Variants in CD2AP observed in about 807,000 individuals in gnomAD.
CD2AP encodes the protein CD2 associated protein.
A neutral mutation model predicts 85.1 loss-of-function variants in CD2AP; 46 were observed. The ratio of observed to expected loss-of-function variants is 0.54; its 90% CI spans 0.43 to 0.69. The LOEUF (loss-of-function observed/expected upper bound fraction) is 0.69, where lower values mean the gene tolerates loss of function less well. CD2AP is among the 30% of genes least tolerant of loss of function. The pLI is 0.00. For synonymous variants in CD2AP, 255 were observed against 252.9 expected (o/e 1.01, Z -0.08); for missense variants, 769 against 729.5 (o/e 1.05, Z -0.62).
At chr6:47,517,456 G>GT (rs1314641356) in intron 2 of CD2AP, among the ~76,000 whole-genome samples, 1 of 151,830 alleles carries the variant, frequency 6.6e-6, no homozygotes, top group Non-Finnish European at 1.5e-5. Flanking sequence ...CCTGGCTAAT[G>GT]TTTTTTCTAT....
chr6:47,487,638 T>C (rs1192226657), intron 1 of CD2AP, among the ~76,000 whole-genome samples: 4 of 152,084 alleles, frequency 2.6e-5, no homozygotes, highest in African/African-American at 4.8e-5. Flanking sequence ...TGCAGTGAGC[T>C]GAGATCGCGC....
chr6:47,583,289 G>A (rs1768531227), intron 11 of CD2AP, among the ~76,000 whole-genome samples: 1 of 152,098 alleles, frequency 6.6e-6, no homozygotes, highest in Admixed American at 6.5e-5. Context: ...AAAGTCCATA[G>A]TTTCCTTTAG....
intron 5 of CD2AP, among the ~76,000 whole-genome samples, chr6:47,566,323 T>TATATATATATACACACAC: frequency 4.3e-4 from 47 of 108,436 alleles, no homozygotes; most frequent in East Asian, 7.1e-4. Flanking sequence ...TATATATATA[T>TATATATATATACACACAC]ACACATACAC....
intron 5 of CD2AP, among the ~76,000 whole-genome samples, chr6:47,572,237 G>A (rs886594777): frequency 4.1e-4 from 62 of 152,302 alleles, no homozygotes; most frequent in African/African-American, 1.4e-3. Context: ...CAAGAAGCAG[G>A]GGCCGGGCGC....
chr6:47,610,973 T>TATATATATATATATATATATA lies in CD2AP; in HGVS notation c.1815-1500_1815-1499insATATATATATATATATATATA, dbSNP rs1454709863. 4.7e-4 allele frequency among the ~76,000 whole-genome samples: 14 copies of TATATATATATATATATATATA among 30,024 alleles called. No homozygotes were observed. In the East Asian group the frequency reaches 8.2e-3, roughly 17 times the overall value. The allele number at this position is 30,024 out of a possible 152,430, so 19.7% of individuals were successfully genotyped here. A position where few individuals can be genotyped will look rare whatever the true frequency, so the allele number is the denominator to read the frequency against. On this transcript the variant is annotated intron_variant, in intron 16 of 17. Coordinates refer to ENST00000359314, the MANE Select transcript of CD2AP (RefSeq NM_012120.3). ...TTTATATATATATATATATATGTAT[T>TATATATATATATATATATATA]TTTTTTTTTTTTTGAATATAAAACA...
At chr6:47,513,375 A>G (rs1766368605) in intron 2 of CD2AP, among the ~76,000 whole-genome samples, 2 of 152,096 alleles carry the variant, frequency 1.3e-5, no homozygotes, top group South Asian at 4.1e-4. Flanking sequence ...GTTATTGCCT[A>G]TCTATGTAGG....
chr6:47,597,529 T>C (rs527397078), intron 12 of CD2AP, among the ~76,000 whole-genome samples: 6 of 150,918 alleles, frequency 4.0e-5, no homozygotes, highest in African/African-American at 1.5e-4. Context: ...GAGCAGGAGA[T>C]TGAACATCTT....
chr6:47,620,121 A>T (rs1326821203), intron 17 of CD2AP, among the ~76,000 whole-genome samples: 1 of 152,144 alleles, frequency 6.6e-6, no homozygotes. Context: ...GTTTTTGTTC[A>T]TGAAATCCTT....
intron 9 of CD2AP, 105 bp downstream of exon 9, chr6:47,579,594 G>A (rs954019314): frequency 1.4e-6 from 1 of 734,636 alleles, no homozygotes; most frequent in African/African-American, 1.8e-5. Context: ...TTTTATGAAG[G>A]AGTTTCAGAT....
At chr6:47,581,243 T>C (rs944785683) in intron 10 of CD2AP, among the ~76,000 whole-genome samples, 2 of 152,196 alleles carry the variant, frequency 1.3e-5, no homozygotes, top group South Asian at 4.1e-4. Flanking sequence ...ATGTCTCAAA[T>C]AATAATTTAT....
At chr6:47,544,505 A>G (rs778741477) in intron 3 of CD2AP, 101 bp from the exon 4 acceptor site, 17 of 794,116 alleles carry the variant, frequency 2.1e-5, no homozygotes, top group African/African-American at 6.9e-5. Context: ...TTCTGTTTTT[A>G]TTTATTTATA....
rs2114131367 is a variant in CD2AP, at chr6:47,596,006, T to C, written c.1254T>C (p.Pro418=). The C allele has an allele frequency of 1.2e-6, 2 of 1,612,312 alleles. No individual in the cohort carries two copies. The highest frequency in any genetic ancestry group is 1.7e-6 in the Non-Finnish European group (2 of 1,178,590). ...VYPKRPEKPV[P]PPPPIAKING... Reference sequence around the variant, plus strand: ...CAAAGCGACCTGAAAAACCAGTTCCTCCACCACCTCCTATAGCCAAGTAAG... The same window carrying C: ...CAAAGCGACCTGAAAAACCAGTTCCCCCACCACCTCCTATAGCCAAGTAAG... The change falls in exon 12 of 18, where the codon CCT becomes CCC. Residue 418 remains proline, a synonymous_variant. Coordinates refer to ENST00000359314, the MANE Select transcript of CD2AP (RefSeq NM_012120.3).
chr6:47,557,884 G>A (rs1243282241), intron 5 of CD2AP, among the ~76,000 whole-genome samples: 3 of 152,102 alleles, frequency 2.0e-5, no homozygotes, highest in Non-Finnish European at 4.4e-5. Flanking sequence ...TAGCTTGATG[G>A]GAATAGCATC....
intron 11 of CD2AP, 72 bp from the exon 12 acceptor site, chr6:47,595,789 A>G: frequency 7.4e-7 from 1 of 1,347,708 alleles, no homozygotes; most frequent in Non-Finnish European, 1.1e-6. Context: ...CCAGCCTGAT[A>G]CAAACTTTTG....
chr6:47,487,875 C>T (rs1475492039), intron 1 of CD2AP, among the ~76,000 whole-genome samples: 1 of 152,078 alleles, frequency 6.6e-6, no homozygotes, highest in South Asian at 2.1e-4. Context: ...TCCACTAAGT[C>T]TGATTCAGTA....
chr6:47,561,669 A>T (rs1456839224), intron 5 of CD2AP, among the ~76,000 whole-genome samples: 4 of 152,188 alleles, frequency 2.6e-5, no homozygotes, highest in African/African-American at 9.7e-5. Flanking sequence ...AGTACCTCTA[A>T]TTCCAATTTA....
intron 13 of CD2AP, among the ~76,000 whole-genome samples, chr6:47,602,092 A>G (rs993969321): frequency 3.3e-5 from 5 of 151,892 alleles, no homozygotes; most frequent in African/African-American, 1.2e-4. Context: ...TAAATCCCTG[A>G]CTTTGTTCAC....
In CD2AP at chr6:47,624,717, GTGTGTATATATATA is replaced by G. The variant is rs1769862766; in HGVS notation, c.*492_*505del. Reference sequence around the variant, plus strand: ...TGTGTGTGTGTGTGTGTGTGTGTGTGTGTGTATATATATATATATATTTTTACTTTTATCCTCTT... The same window carrying G: ...TGTGTGTGTGTGTGTGTGTGTGTGTGTATATATTTTTACTTTTATCCTCTT... On this transcript the variant is annotated 3_prime_UTR_variant, in exon 18 of 18. Transcript: ENST00000359314. The G allele has an allele frequency of 7.5e-6, 1 of 132,510 alleles. No individual in the cohort carries two copies. The highest frequency in any genetic ancestry group is 1.7e-5 in the Non-Finnish European group (1 of 58,588). The allele number at this position is 132,510 out of a possible 1,614,324, so 8.2% of individuals were successfully genotyped here.
intron 5 of CD2AP, among the ~76,000 whole-genome samples, chr6:47,561,548 A>G (rs938424355): frequency 5.9e-5 from 9 of 152,006 alleles, no homozygotes; most frequent in African/African-American, 2.2e-4. Context: ...CTACTGGGGT[A>G]ATGCTTCTGA....
Sources: allele counts gnomAD v4.1 joint callset (sites outside exome capture counted in the v4.1 genomes callset), GRCh38; gene constraint gnomAD v4.1.1; transcripts MANE v1.5; gene names NCBI Gene and HGNC (gene_info 2026-07-23, HGNC 2026-07-21).